Variants in RASGRF2 observed in about 807,000 individuals in gnomAD.
The protein encoded by RASGRF2 is ras-specific guanine nucleotide-releasing factor 2.
In RASGRF2, 76 loss-of-function variants were observed where a neutral mutation model predicts 151.0. The ratio of observed to expected loss-of-function variants is 0.50; its 90% CI spans 0.42 to 0.61. The LOEUF is 0.61. RASGRF2 is among the 20% of genes least tolerant of loss of function. The probability of loss-of-function intolerance (pLI) is 0.00; values close to 1 mark genes in which losing one functional copy is unlikely to be tolerated. For synonymous variants in RASGRF2, 504 were observed against 566.5 expected (o/e 0.89, Z 1.57); for missense variants, 1,148 against 1,564.6 (o/e 0.73, Z 4.49).
intron 1 of RASGRF2, among the ~76,000 whole-genome samples, chr5:81,031,158 T>G (rs992924767): frequency 1.3e-5 from 2 of 152,150 alleles, no homozygotes; most frequent in African/African-American, 4.8e-5. Flanking sequence ...AGCAACTCCT[T>G]AGAGACCTAC....
At position 81,228,666 on chromosome 5, in the gene RASGRF2, G is replaced by C. The variant is rs1031328194; in HGVS notation, c.*2896G>C. 6.6e-6 allele frequency: 1 copy of C among 152,202 alleles called. No individual in the cohort carries two copies. Among genetic ancestry groups the C allele is most frequent in the South Asian group, 2.1e-4 (1 of 4,834 alleles). The allele number at this position is 152,202 out of a possible 1,614,324, so 9.4% of individuals were successfully genotyped here. On this transcript the variant is annotated 3_prime_UTR_variant, in exon 27 of 27. Coordinates refer to ENST00000265080, the MANE Select transcript of RASGRF2 (RefSeq NM_006909.3). ...GTACTGTCAACGAAATTATCTTGGA[G>C]CTTTTAGGGGATGCCTTTTCGTTAT... is the stretch of plus-strand genomic sequence containing the variant.
At chr5:81,025,259 A>G (rs1322704478) in intron 1 of RASGRF2, among the ~76,000 whole-genome samples, 1 of 151,686 alleles carries the variant, frequency 6.6e-6, no homozygotes, top group East Asian at 1.9e-4. Flanking sequence ...CAAAGGAAAC[A>G]CTCCCTTTCT....
chr5:81,019,923 G>A (rs1029400087), intron 1 of RASGRF2, among the ~76,000 whole-genome samples: 4 of 152,210 alleles, frequency 2.6e-5, no homozygotes, highest in African/African-American at 9.6e-5. Context: ...TCTGGAAATT[G>A]CCACTGTTAG....
At chr5:81,196,997 A>G (rs534614481) in intron 18 of RASGRF2, among the ~76,000 whole-genome samples, 25 of 152,078 alleles carry the variant, frequency 1.6e-4, no homozygotes, top group African/African-American at 6.0e-4. Flanking sequence ...CTCTTTATGT[A>G]CATTTTAAAA....
intron 1 of RASGRF2, among the ~76,000 whole-genome samples, chr5:80,984,599 A>G (rs1748419529): frequency 6.6e-6 from 1 of 152,164 alleles, no homozygotes; most frequent in Admixed American, 6.5e-5. Flanking sequence ...TGAGGTATAC[A>G]TTTTCTGTGA....
intron 1 of RASGRF2, among the ~76,000 whole-genome samples, chr5:80,973,811 C>G (rs958187348): frequency 4.6e-5 from 7 of 152,048 alleles, no homozygotes; most frequent in Non-Finnish European, 8.8e-5. Flanking sequence ...GTGTATGGAC[C>G]AGGAGGAGAT....
intron 15 of RASGRF2, among the ~76,000 whole-genome samples, chr5:81,117,128 T>C (rs1233042376): frequency 1.3e-5 from 2 of 152,232 alleles, no homozygotes; most frequent in East Asian, 3.8e-4. Flanking sequence ...CAATACCTTA[T>C]CATGAAAGCT....
intron 17 of RASGRF2, among the ~76,000 whole-genome samples, chr5:81,140,119 G>A (rs149751174): frequency 6.6e-6 from 1 of 152,106 alleles, no homozygotes; most frequent in Non-Finnish European, 1.5e-5. Context: ...GTTAGCCACT[G>A]TGCCTGGCTG....
intron 1 of RASGRF2, among the ~76,000 whole-genome samples, chr5:81,037,699 T>C (rs1481610457): frequency 6.6e-6 from 1 of 152,236 alleles, no homozygotes; most frequent in Non-Finnish European, 1.5e-5. Flanking sequence ...CAAAAAATGT[T>C]AAAAGGTGCA....
rs552509704 is a variant in RASGRF2 at position 81,203,842 on chromosome 5, T to C, written c.2906+2400T>C. Among the ~76,000 whole-genome samples the C allele has an allele frequency of 7.2e-5, 11 of 152,388 alleles. No homozygotes were observed. The South Asian group carries it at 2.1e-3, about 29-fold the overall frequency. ...AGCACTCGTAGTAAAGTGAGTATTA[T>C]TACTGTTAGAAGCACTGACAGTAGT... On this transcript the variant is annotated intron_variant, in intron 19 of 26. Coordinates refer to ENST00000265080, the MANE Select transcript of RASGRF2 (RefSeq NM_006909.3).
chr5:81,215,907 C>T lies in RASGRF2; in HGVS notation c.3386C>T (p.Thr1129Ile), dbSNP rs1755725380. 6.4e-7 allele frequency: 1 copy of T among 1,551,204 alleles called. No homozygotes were observed. Among genetic ancestry groups the T allele is most frequent in the Non-Finnish European group, 8.6e-7 (1 of 1,157,486 alleles). Residue 1129 changes from threonine (T) to isoleucine (I), a missense_variant, in exon 24 of 27, where the codon ACT becomes ATT. Coordinates refer to ENST00000265080, the MANE Select transcript of RASGRF2 (RefSeq NM_006909.3). Reference sequence around the variant, plus strand: ...GCTCTAATGGACAAACTTCAAAAGACTGTTTCCTCTGAAGGAAGATTTAAA... The same window carrying T: ...GCTCTAATGGACAAACTTCAAAAGATTGTTTCCTCTGAAGGAAGATTTAAA... ...TKALMDKLQK[T>I]VSSEGRFKNL...
chr5:81,154,030 T>C (rs1165386906), intron 17 of RASGRF2, among the ~76,000 whole-genome samples: 2 of 151,260 alleles, frequency 1.3e-5, no homozygotes, highest in Non-Finnish European at 2.9e-5. Context: ...TATAAATATA[T>C]GCATCTAACA....
At chr5:81,123,081 G>C (rs568563757) in intron 15 of RASGRF2, among the ~76,000 whole-genome samples, 2 of 152,228 alleles carry the variant, frequency 1.3e-5, no homozygotes, top group Admixed American at 1.3e-4. Flanking sequence ...TAGTGCAAGT[G>C]GGAAGCCAAA....
At position 81,153,001 on chromosome 5, in the gene RASGRF2, C is replaced by T. The variant is rs545996145; in HGVS notation, c.2686+25838C>T. On this transcript the variant is annotated intron_variant, in intron 17 of 26. Transcript: ENST00000265080. The stretch of plus-strand genomic sequence containing the variant: ...CAAACAGCAGGGAACATCAACATTG[C>T]AACTAGCCTGAAGTTGTGATTCTGG... Among the ~76,000 whole-genome samples, 3 of 152,100 alleles carry T rather than the reference C, an allele frequency of 2.0e-5. No individual in the cohort carries two copies. In the South Asian group the frequency reaches 6.2e-4, roughly 32 times the overall value.
intron 17 of RASGRF2, among the ~76,000 whole-genome samples, chr5:81,157,269 G>T (rs756141312): frequency 2.6e-5 from 4 of 151,338 alleles, no homozygotes; most frequent in African/African-American, 4.9e-5. Context: ...GCAGGAGAAT[G>T]GCATGAACCC....
chr5:80,991,167 G>A (rs538401768), intron 1 of RASGRF2, among the ~76,000 whole-genome samples: 6 of 152,284 alleles, frequency 3.9e-5, no homozygotes, highest in Non-Finnish European at 8.8e-5. Context: ...TTGGGGCCAG[G>A]TGTGGTGACT....
At chr5:80,978,161 C>T (rs1487476417) in intron 1 of RASGRF2, among the ~76,000 whole-genome samples, 2 of 151,950 alleles carry the variant, frequency 1.3e-5, no homozygotes, top group Non-Finnish European at 2.9e-5. Context: ...AAATACATAG[C>T]TAAATTGATA....
chr5:81,076,604 C>T (rs573678378), intron 5 of RASGRF2, among the ~76,000 whole-genome samples: 2 of 146,144 alleles, frequency 1.4e-5, no homozygotes, highest in Non-Finnish European at 3.0e-5. Context: ...AGGGAAGTGT[C>T]GGAGTTGGAG....
At chr5:81,166,037 C>G (rs981312436) in intron 17 of RASGRF2, among the ~76,000 whole-genome samples, 1 of 152,110 alleles carries the variant, frequency 6.6e-6, no homozygotes, top group Non-Finnish European at 1.5e-5. Flanking sequence ...TAGTCTATTT[C>G]CATTCAGGGG....
Sources: allele counts gnomAD v4.1 joint callset (sites outside exome capture counted in the v4.1 genomes callset), GRCh38; gene constraint gnomAD v4.1.1; transcripts MANE v1.5; gene names NCBI Gene and HGNC (gene_info 2026-07-23, HGNC 2026-07-21).